The following TP53I13 variants were observed in gnomAD, a reference collection of about 807,000 sequenced individuals.
TP53I13 encodes tumor protein p53 inducible protein 13.
A neutral mutation model predicts 39.1 loss-of-function variants in TP53I13; 27 were observed. The observed-to-expected ratio is 0.69, with a 90% CI of 0.51 to 0.95. The LOEUF is 0.95. TP53I13 is among the 40% of genes least tolerant of loss of function. TP53I13 has a pLI of 0.00. For missense variants in TP53I13, 544 were observed against 520.4 expected (o/e 1.05, Z -0.44); for synonymous variants, 230 against 224.6 (o/e 1.02, Z -0.22).
downstream of TP53I13, chr17:29,577,523 G>A (rs1243480245): frequency 9.3e-6 from 7 of 753,972 alleles, no homozygotes; most frequent in Admixed American, 3.8e-5. Flanking sequence ...AGTGCCAGCT[G>A]TGCCCTGAGG....
At chr17:29,574,663 T>G, downstream of TP53I13, 88 of 1,485,460 alleles carry the variant, frequency 5.9e-5, no homozygotes, top group Non-Finnish European at 7.4e-5. Flanking sequence ...CTATGGCCAG[T>G]GAGGTCCTAG....
chr17:29,577,558 C>G, downstream of TP53I13: 1 of 885,228 alleles, frequency 1.1e-6, no homozygotes, highest in East Asian at 2.4e-5. Flanking sequence ...TGCTGGAGAG[C>G]TGGCTCAGGC....
At chr17:29,575,950 G>A (rs775139649), downstream of TP53I13, 3 of 1,548,102 alleles carry the variant, frequency 1.9e-6, no homozygotes, top group East Asian at 6.8e-5. The surrounding 1 kb of genome is among the most constrained non-coding windows in gnomAD (Gnocchi z 5.5). Flanking sequence ...CTGCCCCCCT[G>A]CTCACCAGCA....
At chr17:29,574,863 C>T, downstream of TP53I13, 3 of 1,593,264 alleles carry the variant, frequency 1.9e-6, no homozygotes, top group Non-Finnish European at 1.7e-6. Flanking sequence ...AGCCGGTAGG[C>T]GCTGGCGTTG....
upstream of TP53I13, chr17:29,567,102 G>T: frequency 1.4e-6 from 1 of 716,492 alleles, no homozygotes; most frequent in Non-Finnish European, 1.8e-6. This position sits in a 1 kb window ranked among gnomAD's most constrained non-coding sequence, Gnocchi z 6.6. Context: ...TGGATTGGCC[G>T]TGGCCGGGCA....
the TP53I13 span, among the ~76,000 whole-genome samples, chr17:29,580,290 A>T: frequency 1.3e-5 from 2 of 152,230 alleles, no homozygotes; most frequent in African/African-American, 2.4e-5. Context: ...ACGCATGCAC[A>T]CACAACCCAG....
At chr17:29,566,745 G>A (rs2032723966), upstream of TP53I13, 2 of 1,553,536 alleles carry the variant, frequency 1.3e-6, no homozygotes, top group South Asian at 2.3e-5. Flanking sequence ...CCGACGGCTT[G>A]CAAACAAGGC....
downstream of TP53I13, chr17:29,576,838 G>A: frequency 1.3e-6 from 2 of 1,578,138 alleles, no homozygotes; most frequent in Non-Finnish European, 1.7e-6. Flanking sequence ...GCACAGGGGA[G>A]TGGGAAGGAG....
At chr17:29,578,916 G>C in the TP53I13 span, 2 of 1,603,130 alleles carry the variant, frequency 1.2e-6, no homozygotes, top group South Asian at 1.1e-5. Flanking sequence ...ATGCCTCCCC[G>C]CCCTACCCCA....
At chr17:29,573,210 C>T (rs1249606863), downstream of TP53I13, 6 of 320,258 alleles carry the variant, frequency 1.9e-5, no homozygotes, top group South Asian at 2.2e-4. Context: ...CCCGGACCCT[C>T]GTCCTAGGCC....
Position 29,572,240 on chromosome 17 carries a change from G to A in TP53I13, c.612G>A (p.Arg204=). Residue 204 remains arginine (R), a synonymous_variant, in exon 6 of 7, where the codon AGG becomes AGA. Coordinates refer to ENST00000301057, the MANE Select transcript of TP53I13 (RefSeq NM_138349.4). ...PRQPSSSGAK[R]RRLRAALGPQ... ...AGCCCTCTTCTAGTGGTGCCAAGAGGCGGAGGCTGCGGGCTGCCCTTGGTC... is the reference window on the plus strand; with the variant it reads ...AGCCCTCTTCTAGTGGTGCCAAGAGACGGAGGCTGCGGGCTGCCCTTGGTC... The A allele has an allele frequency of 3.1e-6, 5 of 1,612,504 alleles. No individual in the cohort carries two copies. The highest frequency in any genetic ancestry group is 4.2e-6 in the Non-Finnish European group (5 of 1,179,988).
chr17:29,570,229 C>T (rs2032874726), intron 3 of TP53I13, among the ~76,000 whole-genome samples: 1 of 138,398 alleles, frequency 7.2e-6, no homozygotes, highest in Admixed American at 7.0e-5. Flanking sequence ...TTAAATTGGC[C>T]AGGCATGGTG....
the TP53I13 span, among the ~76,000 whole-genome samples, chr17:29,579,946 G>A: frequency 2.0e-5 from 3 of 152,110 alleles, no homozygotes; most frequent in Non-Finnish European, 4.4e-5. Flanking sequence ...TGATGCTCTC[G>A]GGGCTGCTCA....
chr17:29,572,330 G>A lies in TP53I13; in HGVS notation c.702G>A (p.Gln234=). 6.2e-7 allele frequency: 1 copy of A among 1,611,954 alleles called. No individual in the cohort carries two copies. ...CCCCAGGGAGCTTGAAGGCCAAGCA[G>A]TCCATGGCGGGAATCCCTGGTAGGG... ...SASPGSLKAK[Q]SMAGIPGRES... The change falls in exon 6 of 7, where the codon CAG becomes CAA. Residue 234 remains glutamine (Q), a synonymous_variant. Coordinates refer to ENST00000301057, the MANE Select transcript of TP53I13 (RefSeq NM_138349.4).
intron 3 of TP53I13, chr17:29,570,698 C>T (rs2032891207): frequency 6.6e-6 from 1 of 152,262 alleles, no homozygotes. Flanking sequence ...CTTAAGTAAG[C>T]TTCGTCTGAC....
the TP53I13 span, among the ~76,000 whole-genome samples, chr17:29,580,468 A>G: frequency 0.75 from 114,712 of 152,152 alleles, 43,572 homozygotes; most frequent in East Asian, 0.92. Context: ...GCATGAGGAC[A>G]TGGCCATCAG....
chr17:29,581,343 A>G, the TP53I13 span: 4 of 1,612,012 alleles, frequency 2.5e-6, no homozygotes, highest in East Asian at 6.7e-5. This position sits in a 1 kb window ranked among gnomAD's most constrained non-coding sequence, Gnocchi z 4.8. Flanking sequence ...CTCACCTGTC[A>G]GCCATCTGTG....
rs1257454296 is a variant in TP53I13 at position 29,572,286 on chromosome 17, C to T, written c.658C>T (p.Leu220=). Residue 220 remains leucine, a synonymous_variant, in exon 6 of 7, where the codon CTG becomes TTG. Coordinates refer to ENST00000301057, the MANE Select transcript of TP53I13 (RefSeq NM_138349.4). The part of the protein sequence containing the change: ...ALGPQPTRSA[L]RFPSASPGSL... Reference sequence around the variant, plus strand: ...TGGTCCCCAGCCCACTCGCTCAGCCCTGAGGTTTCCCTCTGCTTCCCCAGG... The same window carrying T: ...TGGTCCCCAGCCCACTCGCTCAGCCTTGAGGTTTCCCTCTGCTTCCCCAGG... 2.5e-6 allele frequency: 4 copies of T among 1,612,954 alleles called. No individual in the cohort carries two copies. The highest frequency in any genetic ancestry group is 1.1e-5 in the South Asian group (1 of 91,088).
chr17:29,576,562 T>C, downstream of TP53I13: 2 of 1,614,006 alleles, frequency 1.2e-6, no homozygotes, highest in South Asian at 2.2e-5. Context: ...CAGGCTACTG[T>C]TGACCTTCAT....
Sources: gnomAD v4.1 joint callset for allele counts (sites outside exome capture counted in the v4.1 genomes callset) on GRCh38, gnomAD v4.1.1 for gene constraint, Gnocchi (gnomAD v3.1) non-coding constraint, MANE v1.5 for transcripts, NCBI Gene and HGNC (gene_info 2026-07-23, HGNC 2026-07-21) for gene names.